NAT1: variants seen among roughly 807,000 people sequenced by gnomAD.
The protein encoded by NAT1 is arylamine N-acetyltransferase 1.
For synonymous variants in NAT1, 144 were observed against 122.6 expected (o/e 1.17, Z -1.16); for missense variants, 400 against 339.2 (o/e 1.18, Z -1.41).
intron 2 of NAT1, among the ~76,000 whole-genome samples, chr8:18,187,242 CT>C (rs1802775968): frequency 6.6e-6 from 1 of 152,218 alleles, no homozygotes; most frequent in East Asian, 1.9e-4. Flanking sequence ...CACTTATACA[CT>C]GCTGGTAGGA....
intron 2 of NAT1, among the ~76,000 whole-genome samples, chr8:18,204,753 G>C (rs1589091973): frequency 1.3e-5 from 2 of 152,170 alleles, no homozygotes; most frequent in Admixed American, 6.5e-5. Context: ...ATAGCCATAA[G>C]AGAATCAATT....
At chr8:18,206,881 C>A (rs1356992334), upstream of NAT1, among the ~76,000 whole-genome samples, 2 of 152,018 alleles carry the variant, frequency 1.3e-5, no homozygotes, top group African/African-American at 4.8e-5. Flanking sequence ...TTTAATTAGA[C>A]CCCATTTGTC....
At chr8:18,178,692 G>A (rs1802386906) in intron 2 of NAT1, among the ~76,000 whole-genome samples, 1 of 152,144 alleles carries the variant, frequency 6.6e-6, no homozygotes, top group Non-Finnish European at 1.5e-5. Context: ...GTGGACAATT[G>A]AGTCATATTC....
intron 2 of NAT1, among the ~76,000 whole-genome samples, chr8:18,196,158 C>T (rs1339843087): frequency 1.3e-5 from 2 of 151,884 alleles, no homozygotes; most frequent in Non-Finnish European, 2.9e-5. Flanking sequence ...CTATGTTGCC[C>T]AGGCTGGTCT....
intron 2 of NAT1, among the ~76,000 whole-genome samples, chr8:18,176,521 C>T (rs10283201): frequency 0.28 from 41,775 of 151,540 alleles, 6,134 homozygotes; most frequent in South Asian, 0.39. Flanking sequence ...ATAAACACTT[C>T]GGGTTATTTC....
At chr8:18,212,107 C>A (rs1415208648) in intron 1 of NAT1, 1 of 152,118 alleles carries the variant, frequency 6.6e-6, no homozygotes, top group African/African-American at 2.4e-5. Flanking sequence ...AAAAAGAAAA[C>A]CACTGCTGTA....
intron 2 of NAT1, among the ~76,000 whole-genome samples, chr8:18,191,877 A>G (rs1803006145): frequency 6.6e-6 from 1 of 152,194 alleles, no homozygotes; most frequent in Non-Finnish European, 1.5e-5. Context: ...ACCTAAAACC[A>G]TAAAAACCCT....
intron 2 of NAT1, among the ~76,000 whole-genome samples, chr8:18,195,315 C>G (rs1252170404): frequency 6.6e-6 from 1 of 152,132 alleles, no homozygotes. Context: ...AGATTGCTTC[C>G]AGAACTGCAG....
chr8:18,202,882 A>T (rs1298770062), intron 2 of NAT1, among the ~76,000 whole-genome samples: 1 of 152,088 alleles, frequency 6.6e-6, no homozygotes, highest in Admixed American at 6.6e-5. Flanking sequence ...TTATTCCCTT[A>T]TTTGGTCCCA....
At chr8:18,219,511 GC>G in intron 2 of NAT1, 22 bp downstream of exon 2, 1 of 1,419,882 alleles carries the variant, frequency 7.0e-7, no homozygotes. Flanking sequence ...CTTTCTGAGA[GC>G]TCTCAGTGGG....
intron 2 of NAT1, among the ~76,000 whole-genome samples, chr8:18,183,559 G>T (rs184011425): frequency 1.2e-4 from 19 of 152,276 alleles, no homozygotes; most frequent in Admixed American, 1.2e-3. Flanking sequence ...GAGATAAATA[G>T]CCCTGAGGAG....
At chr8:18,184,826 A>G (rs534364858) in intron 2 of NAT1, among the ~76,000 whole-genome samples, 4 of 152,082 alleles carry the variant, frequency 2.6e-5, no homozygotes, top group Non-Finnish European at 5.9e-5. Context: ...CCTGCATTCT[A>G]CTTCCCTCTA....
intron 2 of NAT1, among the ~76,000 whole-genome samples, chr8:18,172,290 T>A (rs1200471212): frequency 6.6e-6 from 1 of 152,192 alleles, no homozygotes; most frequent in Non-Finnish European, 1.5e-5. Flanking sequence ...ATAAGACTGT[T>A]GACATTTAAC....
chr8:18,185,606 A>T (rs1251592318), intron 2 of NAT1, among the ~76,000 whole-genome samples: 15 of 152,052 alleles, frequency 9.9e-5, no homozygotes, highest in Admixed American at 9.8e-4. Flanking sequence ...AAACAAAACA[A>T]ATCTTAATGT....
At chr8:18,220,526 CT>C (rs1464824641) in intron 2 of NAT1, among the ~76,000 whole-genome samples, 1 of 152,028 alleles carries the variant, frequency 6.6e-6, no homozygotes, top group Non-Finnish European at 1.5e-5. Flanking sequence ...TTTAAAAAAC[CT>C]TTTCTAAAAT....
At chr8:18,199,985 A>T (rs1328834786) in intron 2 of NAT1, among the ~76,000 whole-genome samples, 1 of 152,220 alleles carries the variant, frequency 6.6e-6, no homozygotes, top group Non-Finnish European at 1.5e-5. Flanking sequence ...ACCAGTCAGA[A>T]TGGCTAATAT....
intron 2 of NAT1, among the ~76,000 whole-genome samples, chr8:18,187,264 G>T (rs1802776843): frequency 6.6e-6 from 1 of 152,174 alleles, no homozygotes; most frequent in Non-Finnish European, 1.5e-5. Context: ...GTGTAAATCA[G>T]TTCAGCCACT....
At chr8:18,197,801 A>G (rs139160514) in intron 2 of NAT1, among the ~76,000 whole-genome samples, 2,475 of 152,216 alleles carry the variant, frequency 0.016, 31 homozygotes, top group Non-Finnish European at 0.025. Flanking sequence ...GCAGTTGATT[A>G]TCAGGGATGG....
intron 1 of NAT1, among the ~76,000 whole-genome samples, chr8:18,213,068 C>CTTTT (rs34278443): frequency 6.3e-5 from 9 of 142,640 alleles, no homozygotes; most frequent in Admixed American, 1.4e-4. Flanking sequence ...CCACACCTCG[C>CTTTT]TTTTTTTTTT....
Sources: gnomAD v4.1 joint callset for allele counts (sites outside exome capture counted in the v4.1 genomes callset) on GRCh38, gnomAD v4.1.1 for gene constraint, MANE v1.5 for transcripts, NCBI Gene and HGNC (gene_info 2026-07-23, HGNC 2026-07-21) for gene names.